The following IDH3A variants were observed in gnomAD, a reference collection of about 807,000 sequenced individuals.
IDH3A encodes isocitrate dehydrogenase (NAD(+)) 3 catalytic subunit alpha, also known as isocitrate dehydrogenase [NAD] subunit alpha, mitochondrial.
A neutral mutation model predicts 43.3 loss-of-function variants in IDH3A; 23 were observed. The ratio of observed to expected loss-of-function variants is 0.53; its 90% confidence interval spans 0.38 to 0.75. IDH3A has a LOEUF of 0.75. Among genes scored for constraint, IDH3A ranks in the 30% least tolerant of loss-of-function variants. The probability of loss-of-function intolerance (pLI) is 0.00; values close to 1 mark genes in which losing one functional copy is unlikely to be tolerated. For synonymous variants in IDH3A, 154 were observed against 163.5 expected, an observed-to-expected ratio of 0.94 and a Z score of 0.44; for missense variants, 329 against 474.4, an observed-to-expected ratio of 0.69 and a Z score of 2.85.
chr15:78,159,948 T>C (rs1429645982), intron 3 of IDH3A, 144 bp from the exon 4 acceptor site: 2 of 597,322 alleles, frequency 3.3e-6, no homozygotes, highest in Non-Finnish European at 6.2e-6. Flanking sequence ...TGAGCCAAGA[T>C]TGTGCCGCTG....
chr15:78,155,198 T>C lies in IDH3A; in HGVS notation c.28-15T>C. 1 of 1,596,408 alleles carries C rather than the reference T, an allele frequency of 6.3e-7. No homozygotes were observed. The highest frequency in any genetic ancestry group is 8.6e-7 in the Non-Finnish European group (1 of 1,164,670). The stretch of plus-strand genomic sequence containing the variant: ...TAATTCTGTGTGTGATATTTCTCTG[T>C]TGATATTAATATAGGTCTCTCGGCT... On this transcript the variant is annotated splice_polypyrimidine_tract_variant and intron_variant, in intron 1 of 10. Coordinates refer to ENST00000299518, the MANE Select transcript of IDH3A (RefSeq NM_005530.3).
At chr15:78,158,357 C>T (rs2074644253) in intron 3 of IDH3A, among the ~76,000 whole-genome samples, 1 of 147,298 alleles carries the variant, frequency 6.8e-6, no homozygotes, top group Non-Finnish European at 1.5e-5. Flanking sequence ...AGTGTGCTAG[C>T]TGTATACACA....
Position 78,161,595 on chromosome 15 carries a change from C to G in IDH3A, c.304C>G (p.Pro102Ala), listed in dbSNP as rs1275122425. Residue 102 changes from proline to alanine, a missense_variant, in exon 5 of 11, where the codon CCA becomes GCA. Physicochemically the swap from Pro to Ala is conservative, Grantham distance 27. Coordinates refer to ENST00000299518, the MANE Select transcript of IDH3A (RefSeq NM_005530.3). This position sits in a 1 kb window ranked among gnomAD's most constrained non-coding sequence, Gnocchi z 4.8. ...KMGLKGPLKT[P>A]IAAGHPSMNL... is the part of the protein sequence containing the mutation. ...CTGTATAACAGGCCCTTTGAAGACC[C>G]CAATAGCAGCCGGTCACCCATCTAT... 2 of 1,613,448 alleles carry G rather than the reference C, an allele frequency of 1.2e-6. No homozygotes were observed. The highest frequency in any genetic ancestry group is 8.5e-7 in the Non-Finnish European group (1 of 1,179,974).
At chr15:78,163,459 CT>C (rs767089033) in intron 6 of IDH3A, 47 bp from the exon 7 acceptor site, 1 of 1,336,564 alleles carries the variant, frequency 7.5e-7, no homozygotes, top group African/African-American at 1.5e-5. Flanking sequence ...TGATTCTTTT[CT>C]TTCTGTAAGA....
intron 2 of IDH3A, chr15:78,157,131 A>T: frequency 3.6e-6 from 4 of 1,124,732 alleles, no homozygotes; most frequent in Non-Finnish European, 4.4e-6. Context: ...AAAGGAAAAC[A>T]CTTGCCTTCA....
intron 1 of IDH3A, among the ~76,000 whole-genome samples, chr15:78,151,893 C>G (rs1363576118): frequency 6.6e-6 from 1 of 152,040 alleles, no homozygotes; most frequent in African/African-American, 2.4e-5. Flanking sequence ...TGCCACCATA[C>G]CTGGCTAACA....
intron 10 of IDH3A, 130 bp from the exon 11 acceptor site, chr15:78,168,792 A>T: frequency 1.5e-6 from 1 of 646,846 alleles, no homozygotes. Flanking sequence ...CCTCACTTTG[A>T]AATGAGGAAC....
In IDH3A at chr15:78,162,277, G is replaced by C; in HGVS notation, c.521G>C (p.Gly174Ala). The C allele has an allele frequency of 6.2e-7, 1 of 1,614,140 alleles. No homozygotes were observed. The highest frequency in any genetic ancestry group is 8.5e-7 in the Non-Finnish European group (1 of 1,179,996). Residue 174 changes from glycine (G) to alanine (A), a missense_variant, in exon 6 of 11, where the codon GGG becomes GCG. Coordinates refer to ENST00000299518, the MANE Select transcript of IDH3A (RefSeq NM_005530.3). ...VVQSIKLITE[G>A]ASKRIAEFAF... The stretch of plus-strand genomic sequence containing the variant: ...CAGAGTATCAAGCTCATCACCGAGG[G>C]GGCGAGCAAGCGCATTGCTGAGTTT...
Position 78,161,302 on chromosome 15 carries a change from G to A in IDH3A, c.290-279G>A, listed in dbSNP as rs76673402. On this transcript the variant is annotated intron_variant, in intron 4 of 10. Coordinates refer to ENST00000299518, the MANE Select transcript of IDH3A (RefSeq NM_005530.3). The surrounding 1 kb of genome is among the most constrained non-coding windows in gnomAD (Gnocchi z 4.8). ...TTTTCTTTTTTCGTCATTTTTAAAT[G>A]ACAGTAACAGAGTTGCTGTTGTACG... is the stretch of plus-strand genomic sequence containing the variant. 6.6e-6 allele frequency among the ~76,000 whole-genome samples: 1 copy of A among 152,298 alleles called. No individual in the cohort carries two copies. Among genetic ancestry groups the A allele is most frequent in the African/African-American group, 2.4e-5 (1 of 41,544 alleles).
intron 6 of IDH3A, among the ~76,000 whole-genome samples, chr15:78,163,114 C>G (rs980125710): frequency 1.8e-4 from 28 of 152,248 alleles, no homozygotes; most frequent in African/African-American, 5.3e-4. Context: ...CTGTTAAAGT[C>G]CTCTGAATAT....
chr15:78,161,729 A>C lies in IDH3A; in HGVS notation c.438A>C (p.Arg146=). ...PYTDVNIVTI[R]ENTEGEYSGI... ...CCGATGTAAATATTGTGACCATTCG[A>C]GAGAACACAGAAGGAGAATACAGTG... The change falls in exon 5 of 11, where the codon CGA becomes CGC. Residue 146 remains arginine (R), a synonymous_variant. Transcript: ENST00000299518. The surrounding 1 kb of genome is among the most constrained non-coding windows in gnomAD (Gnocchi z 4.8). The C allele has an allele frequency of 6.2e-6, 10 of 1,614,198 alleles. 1 individual carries two copies. The highest frequency in any genetic ancestry group is 8.5e-6 in the Non-Finnish European group (10 of 1,180,024).
intron 9 of IDH3A, among the ~76,000 whole-genome samples, chr15:78,165,678 A>G (rs2141302164): frequency 9.5e-6 from 1 of 104,726 alleles, no homozygotes; most frequent in South Asian, 3.3e-4. Flanking sequence ...TATTTCTCCA[A>G]GTCTTTATTT....
chr15:78,159,704 A>G (rs1223670561), intron 3 of IDH3A, among the ~76,000 whole-genome samples: 4 of 152,132 alleles, frequency 2.6e-5, no homozygotes, highest in Admixed American at 6.6e-5. Flanking sequence ...CCAAAGTTGA[A>G]AAAGGGCTGG....
rs2141314076 is a variant in IDH3A at position 78,171,537 on chromosome 15, G to C, written c.*2532G>C. On this transcript the variant is annotated 3_prime_UTR_variant, in exon 11 of 11. Coordinates refer to ENST00000299518, the MANE Select transcript of IDH3A (RefSeq NM_005530.3). ...TCAGTTTCATCGTGGGACCTAAAAG[G>C]GAAATGAGAAGAAATGAGTGAGGCC... 6.2e-7 allele frequency: 1 copy of C among 1,613,188 alleles called. No homozygotes were observed. The highest frequency in any genetic ancestry group is 8.5e-7 in the Non-Finnish European group (1 of 1,179,170).
At position 78,163,551 on chromosome 15, in the gene IDH3A, C is replaced by G; in HGVS notation, c.656C>G (p.Ala219Gly). Residue 219 changes from alanine (A) to glycine (G), a missense_variant, in exon 7 of 11, where the codon GCA becomes GGA. Around this residue, in one of 3 missense-constraint regions of IDH3A, gnomAD observed 212 missense variants for 345.5 expected, o/e 0.61. Transcript: ENST00000299518. ...TTTCTACAAAAATGCAGGGAAGTTG[C>G]AGAAAGCTGTAAAGATATTAAATTT... ...GLFLQKCREV[A>G]ESCKDIKFNE... 1 of 1,612,866 alleles carries G rather than the reference C, an allele frequency of 6.2e-7. No individual in the cohort carries two copies. The highest frequency in any genetic ancestry group is 8.5e-7 in the Non-Finnish European group (1 of 1,179,240).
chr15:78,162,580 C>A (rs1410914576), intron 6 of IDH3A, among the ~76,000 whole-genome samples: 6 of 119,142 alleles, frequency 5.0e-5, no homozygotes, highest in Admixed American at 3.0e-4. Flanking sequence ...GAGTCTCTTT[C>A]TGTTGCCCAG....
intron 1 of IDH3A, chr15:78,150,729 C>T (rs554048047): frequency 1.1e-4 from 16 of 152,126 alleles, no homozygotes; most frequent in Non-Finnish European, 2.4e-4. Flanking sequence ...GCTTTCTTAT[C>T]AATATGTTTA....
rs935340056 is a variant in IDH3A at position 78,149,450 on chromosome 15, C to T, written c.27+20C>T. On this transcript the variant is annotated intron_variant, in intron 1 of 10. Coordinates refer to ENST00000299518, the MANE Select transcript of IDH3A (RefSeq NM_005530.3). ...TCTAAGGTGAGCGCTGGCAGGCCGG[C>T]GTGTGGCAGGCAGGCAGGCCGCGAG... 1 of 1,532,918 alleles carries T rather than the reference C, an allele frequency of 6.5e-7. No individual in the cohort carries two copies. Among genetic ancestry groups the T allele is most frequent in the South Asian group, 1.2e-5 (1 of 83,338 alleles). 95.0% of individuals were successfully genotyped at this position (1,532,918 alleles called of 1,614,324 possible). A position where few individuals can be genotyped will look rare whatever the true frequency, so the allele number is the denominator to read the frequency against.
intron 5 of IDH3A, 38 bp from the exon 6 acceptor site, chr15:78,162,194 TCA>T: frequency 6.2e-7 from 1 of 1,612,280 alleles, no homozygotes; most frequent in Non-Finnish European, 8.5e-7. Flanking sequence ...TGCGTTGCTG[TCA>T]CACTCTTTCC....
Sources: gnomAD v4.1 joint callset for allele counts (sites outside exome capture counted in the v4.1 genomes callset) on GRCh38, gnomAD v4.1.1 for gene constraint, gnomAD v4.1.1 regional missense constraint, Gnocchi (gnomAD v3.1) non-coding constraint, MANE v1.5 for transcripts, NCBI Gene and HGNC (gene_info 2026-07-23, HGNC 2026-07-21) for gene names.